Variants in TAF1B observed in about 807,000 individuals in gnomAD.
TAF1B encodes the protein TATA box-binding protein-associated factor RNA polymerase I subunit B.
In TAF1B, 61 loss-of-function variants were observed where a neutral mutation model predicts 83.9. That is an observed-to-expected ratio of 0.73 (90% confidence interval 0.59 to 0.90). TAF1B has a LOEUF of 0.90. Among genes scored for constraint, TAF1B ranks in the 40% least tolerant of loss-of-function variants. The pLI, the probability that TAF1B is intolerant of heterozygous loss-of-function variation, is 0.00. For synonymous variants in TAF1B, 221 were observed against 224.6 expected, an observed-to-expected ratio of 0.98 and a Z score of 0.14; for missense variants, 625 against 677.0, an observed-to-expected ratio of 0.92 and a Z score of 0.85.
intron 5 of TAF1B, among the ~76,000 whole-genome samples, 191 bp downstream of exon 5, chr2:9,854,612 C>G (rs1446171813): frequency 6.6e-6 from 1 of 152,178 alleles, no homozygotes; most frequent in African/African-American, 2.4e-5. Context: ...TTTTTCTTCA[C>G]TTTTTTCCTG....
intron 5 of TAF1B, among the ~76,000 whole-genome samples, chr2:9,862,735 T>C (rs762935278): frequency 2.0e-5 from 3 of 151,682 alleles, no homozygotes; most frequent in African/African-American, 7.3e-5. Context: ...ATCAGACTAA[T>C]AGCTGATCTC....
chr2:9,908,109 G>A (rs1665407886), intron 9 of TAF1B, among the ~76,000 whole-genome samples: 1 of 30,820 alleles, frequency 3.2e-5, no homozygotes, highest in Non-Finnish European at 1.5e-4. Context: ...GTAATGGCGT[G>A]ATCTCCGCTC....
intron 14 of TAF1B, among the ~76,000 whole-genome samples, chr2:9,930,848 GC>G (rs1211009137): frequency 6.6e-6 from 1 of 152,168 alleles, no homozygotes; most frequent in African/African-American, 2.4e-5. Flanking sequence ...GAATCTGAGT[GC>G]TCCTGTATTG....
At chr2:9,874,117 T>C (rs1196335444) in intron 6 of TAF1B, among the ~76,000 whole-genome samples, 22 of 152,218 alleles carry the variant, frequency 1.4e-4, no homozygotes, top group Admixed American at 1.4e-3. Flanking sequence ...AGAGGTTGAA[T>C]GGACTCATCG....
intron 6 of TAF1B, among the ~76,000 whole-genome samples, chr2:9,873,181 G>T (rs1664220062): frequency 6.6e-6 from 1 of 152,132 alleles, no homozygotes; most frequent in South Asian, 2.1e-4. Flanking sequence ...ACTGTTCTGG[G>T]CACTGGGACA....
Position 9,904,899 on chromosome 2 carries a change from A to C in TAF1B, c.848A>C (p.Glu283Ala), listed in dbSNP as rs370486267. Residue 283 changes from glutamate (E) to alanine (A), a missense_variant, in exon 9 of 15, where the codon GAA becomes GCA. Physicochemically the swap from Glu to Ala is moderately radical, Grantham distance 107. Coordinates refer to ENST00000263663, the MANE Select transcript of TAF1B (RefSeq NM_005680.3). ...DYEDIYKKTV[E>A]VGTFLDLPRF... ...GAGGACATCTACAAAAAAACAGTAG[A>C]AGTTGGAACATTTTTAGATTTGCCT... is the stretch of plus-strand genomic sequence containing the variant. 2.5e-6 allele frequency: 4 copies of C among 1,610,234 alleles called. No homozygotes were observed. The highest frequency in any genetic ancestry group is 8.5e-7 in the Non-Finnish European group (1 of 1,176,492).
chr2:9,874,464 GTCTC>G (rs1664261425), intron 6 of TAF1B, among the ~76,000 whole-genome samples: 1 of 150,864 alleles, frequency 6.6e-6, no homozygotes, highest in Non-Finnish European at 1.5e-5. Flanking sequence ...TTTAGAGAAA[GTCTC>G]TCCGTGTTGC....
At chr2:9,888,790 G>GGTTTTTTTTTTTGT (rs753209727) in intron 8 of TAF1B, among the ~76,000 whole-genome samples, 1 of 81,660 alleles carries the variant, frequency 1.2e-5, no homozygotes, top group Non-Finnish European at 2.1e-5. Context: ...CTTCTGCTTG[G>GGTTTTTTTTTTTGT]TTTTTTTTTT....
intron 6 of TAF1B, among the ~76,000 whole-genome samples, chr2:9,874,031 A>G (rs1307195528): frequency 6.6e-6 from 1 of 152,162 alleles, no homozygotes; most frequent in Non-Finnish European, 1.5e-5. Flanking sequence ...AAAATTCTAC[A>G]TAATGTAGTT....
In TAF1B at chr2:9,850,304, A is replaced by G. The variant is rs117061999; in HGVS notation, c.205+844A>G. Among the ~76,000 whole-genome samples, 177 of 152,302 alleles carry G rather than the reference A, an allele frequency of 1.2e-3. 3 individuals are homozygous for G. In the East Asian group the frequency reaches 0.03, roughly 26 times the overall value. ...CTTTATATTAGGTGTTAAGTATCTTATAGTCAACCTCATCACCCTTAATTT... is the reference window on the plus strand; with the variant it reads ...CTTTATATTAGGTGTTAAGTATCTTGTAGTCAACCTCATCACCCTTAATTT... On this transcript the variant is annotated intron_variant, in intron 3 of 14. Coordinates refer to ENST00000263663, the MANE Select transcript of TAF1B (RefSeq NM_005680.3).
chr2:9,868,658 T>C (rs1164565312), intron 6 of TAF1B: 1 of 667,782 alleles, frequency 1.5e-6, no homozygotes, highest in Non-Finnish European at 2.8e-6. Flanking sequence ...TGTGTGATTT[T>C]AAAGGGACAT....
At chr2:9,870,500 A>G (rs1457285228) in intron 6 of TAF1B, among the ~76,000 whole-genome samples, 1 of 152,092 alleles carries the variant, frequency 6.6e-6, no homozygotes, top group Non-Finnish European at 1.5e-5. Flanking sequence ...AAAAAATAAA[A>G]TTTGTAGTCT....
intron 5 of TAF1B, among the ~76,000 whole-genome samples, chr2:9,861,126 G>A (rs1663739903): frequency 6.6e-6 from 1 of 152,256 alleles, no homozygotes; most frequent in Non-Finnish European, 1.5e-5. Flanking sequence ...AGCACACCGT[G>A]CATGAGCCGA....
In TAF1B at chr2:9,913,162, A is replaced by C. The variant is rs1179743719; in HGVS notation, c.1184A>C (p.Lys395Thr). The change falls in exon 12 of 15, where the codon AAG becomes ACG. Residue 395 changes from lysine (K) to threonine (T), a missense_variant. Coordinates refer to ENST00000263663, the MANE Select transcript of TAF1B (RefSeq NM_005680.3). ...EKHNEKNKKD[K>T]PWFDFRKWYQ... ...TCTTGGATTTTATTTCTTTCAGATA[A>C]GCCATGGTTTGATTTCAGAAAGTGG... is the stretch of plus-strand genomic sequence containing the variant. 1 of 1,600,596 alleles carries C rather than the reference A, an allele frequency of 6.2e-7. No individual in the cohort carries two copies. The highest frequency in any genetic ancestry group is 2.2e-5 in the East Asian group (1 of 44,754).
chr2:9,843,518 T>G lies in TAF1B; in HGVS notation c.-24T>G. 1 of 1,523,604 alleles carries G rather than the reference T, an allele frequency of 6.6e-7. No homozygotes were observed. Among genetic ancestry groups the G allele is most frequent in the African/African-American group, 1.4e-5 (1 of 70,056 alleles). 94.4% of individuals were successfully genotyped at this position (1,523,604 alleles called of 1,614,324 possible). On this transcript the variant is annotated 5_prime_UTR_variant, in exon 1 of 15. Transcript: ENST00000263663. ...CGCTACCCGGGTAACGGGTCCCGGC[T>G]GTGGAAGCTCCCGCGGCGCCGCGAT...
chr2:9,919,091 C>A lies in TAF1B; in HGVS notation c.1322C>A (p.Pro441Gln). The A allele has an allele frequency of 1.9e-6, 3 of 1,614,010 alleles. No homozygotes were observed. The highest frequency in any genetic ancestry group is 2.5e-6 in the Non-Finnish European group (3 of 1,179,980). The change falls in exon 13 of 15, where the codon CCA becomes CAA. Residue 441 changes from proline (P) to glutamine (Q), a missense_variant. Physicochemically the swap from Pro to Gln is moderately conservative, Grantham distance 76 (BLOSUM62 -1). Coordinates refer to ENST00000263663, the MANE Select transcript of TAF1B (RefSeq NM_005680.3). Reference protein sequence around the residue: ...KPLYYSFVDKPVAYKKREMVV... With the variant: ...KPLYYSFVDKQVAYKKREMVV... ...CTCTACTACTCATTTGTCGACAAAC[C>A]AGTAGCATATAAAAAAAGAGGTAAG...
intron 12 of TAF1B, among the ~76,000 whole-genome samples, chr2:9,916,837 C>CGTTTTTTTTT (rs1665693821): frequency 1.0e-5 from 1 of 95,720 alleles, no homozygotes; most frequent in Non-Finnish European, 2.3e-5. Flanking sequence ...CCTTTCTGTT[C>CGTTTTTTTTT]TTTTTTTTTT....
Position 9,934,118 on chromosome 2 carries a change from AT to A in TAF1B, c.*135del. Reference sequence around the variant, plus strand: ...GACTCTGACACATATTTACATATATATCAAGTGTGCTTAGAAAAATGTATAT... The same window carrying A: ...GACTCTGACACATATTTACATATATACAAGTGTGCTTAGAAAAATGTATAT... On this transcript the variant is annotated 3_prime_UTR_variant, in exon 15 of 15. Transcript: ENST00000263663. The A allele has an allele frequency of 1.4e-6, 1 of 711,206 alleles. No individual in the cohort carries two copies. Among genetic ancestry groups the A allele is most frequent in the Non-Finnish European group, 2.3e-6 (1 of 441,780 alleles). The allele number at this position is 711,206 out of a possible 1,614,324, so 44.1% of individuals were successfully genotyped here. A position where few individuals can be genotyped will look rare whatever the true frequency, so the allele number is the denominator to read the frequency against.
intron 6 of TAF1B, among the ~76,000 whole-genome samples, chr2:9,873,863 G>A (rs761853983): frequency 7.2e-5 from 11 of 151,812 alleles, no homozygotes; most frequent in Non-Finnish European, 1.0e-4. Flanking sequence ...CTGGAAGAGT[G>A]GTCTTCTGTT....
Sources: allele counts gnomAD v4.1 joint callset (sites outside exome capture counted in the v4.1 genomes callset), GRCh38; gene constraint gnomAD v4.1.1; transcripts MANE v1.5; gene names NCBI Gene and HGNC (gene_info 2026-07-23, HGNC 2026-07-21).